Variants in OLA1 observed in about 807,000 individuals in gnomAD.
OLA1 encodes obg-like ATPase 1.
OLA1 carries 14 observed loss-of-function variants against 48.4 expected under a neutral mutation model. The observed-to-expected ratio is 0.29, with a 90% CI of 0.19 to 0.45. The LOEUF (loss-of-function observed/expected upper bound fraction) is 0.45, where lower values mean the gene tolerates loss of function less well. Among genes scored for constraint, OLA1 ranks in the 20% least tolerant of loss-of-function variants. The pLI is 1.00. For synonymous variants in OLA1, 127 were observed against 150.4 expected, an observed-to-expected ratio of 0.84 and a Z score of 1.14; for missense variants, 325 against 467.1, an observed-to-expected ratio of 0.70 and a Z score of 2.80.
At chr2:174,136,868 G>T (rs1383507507) in intron 5 of OLA1, among the ~76,000 whole-genome samples, 1 of 151,806 alleles carries the variant, frequency 6.6e-6, no homozygotes, top group Non-Finnish European at 1.5e-5. Context: ...GTAGAGACAG[G>T]GTTTCACCAT....
intron 5 of OLA1, among the ~76,000 whole-genome samples, chr2:174,130,422 A>G (rs1686154911): frequency 6.6e-6 from 1 of 152,238 alleles, no homozygotes; most frequent in Admixed American, 6.5e-5. Flanking sequence ...TTGGTAGAAT[A>G]CATGCTGCCA....
At chr2:174,114,924 G>GT (rs1685745578) in intron 7 of OLA1, among the ~76,000 whole-genome samples, 1 of 152,094 alleles carries the variant, frequency 6.6e-6, no homozygotes, top group African/African-American at 2.4e-5. Flanking sequence ...GAGCCAAGGA[G>GT]TTCTAGACCA....
At chr2:174,169,760 G>A (rs1000182080) in intron 4 of OLA1, among the ~76,000 whole-genome samples, 8 of 152,196 alleles carry the variant, frequency 5.3e-5, no homozygotes, top group Non-Finnish European at 1.2e-4. Context: ...ATCTTAGTAA[G>A]TGCAAAAGGC....
At position 174,168,922 on chromosome 2, in the gene OLA1, G is replaced by A. The variant is rs1687234091; in HGVS notation, c.374-26922C>T. The stretch of plus-strand genomic sequence containing the variant: ...GAATAAAAACGAACAGAGCCTCAGG[G>A]ACCTACTAGATAATATAAAATGGTT... On this transcript the variant is annotated intron_variant, in intron 4 of 10. Coordinates refer to ENST00000284719, the MANE Select transcript of OLA1 (RefSeq NM_013341.5). Among the ~76,000 whole-genome samples the A allele has an allele frequency of 2.0e-5, 3 of 150,896 alleles. No homozygotes were observed. The South Asian group carries it at 6.3e-4, about 32-fold the overall frequency.
chr2:174,233,130 TATATTC>T (rs764758951), intron 2 of OLA1, among the ~76,000 whole-genome samples: 1 of 152,222 alleles, frequency 6.6e-6, no homozygotes, highest in Non-Finnish European at 1.5e-5. Context: ...TGATTCCACT[TATATTC>T]ATATACTCAA....
intron 3 of OLA1, among the ~76,000 whole-genome samples, chr2:174,224,411 A>G (rs1348832582): frequency 1.3e-5 from 2 of 152,196 alleles, no homozygotes; most frequent in Non-Finnish European, 2.9e-5. Context: ...TTCACTAAGC[A>G]GTTTAATCGC....
chr2:174,145,859 A>G (rs779304149), intron 4 of OLA1, among the ~76,000 whole-genome samples: 26 of 152,224 alleles, frequency 1.7e-4, no homozygotes, highest in African/African-American at 2.4e-5. Context: ...ATGATAGGAT[A>G]TGATACAGTT....
chr2:174,098,478 A>G (rs1685311317), intron 7 of OLA1, among the ~76,000 whole-genome samples: 1 of 152,224 alleles, frequency 6.6e-6, no homozygotes, highest in Non-Finnish European at 1.5e-5. Flanking sequence ...ATAGTTTTAC[A>G]AAAAGAATTT....
At chr2:174,209,745 A>T (rs940149554) in intron 4 of OLA1, among the ~76,000 whole-genome samples, 8 of 152,218 alleles carry the variant, frequency 5.3e-5, no homozygotes, top group Non-Finnish European at 7.3e-5. Context: ...GTAAAGGTGA[A>T]GATCTTAGAA....
intron 5 of OLA1, among the ~76,000 whole-genome samples, chr2:174,127,640 A>G (rs1312683571): frequency 1.3e-5 from 2 of 152,184 alleles, no homozygotes; most frequent in Non-Finnish European, 2.9e-5. Context: ...GATGGCACAT[A>G]ACTTTCAAAT....
chr2:174,174,323 AT>A (rs1241476021), intron 4 of OLA1, among the ~76,000 whole-genome samples: 3 of 152,050 alleles, frequency 2.0e-5, no homozygotes, highest in African/African-American at 7.2e-5. Context: ...ACACAGGTTT[AT>A]TTATAATGAT....
At chr2:174,106,649 C>T (rs575790351) in intron 7 of OLA1, among the ~76,000 whole-genome samples, 2 of 152,050 alleles carry the variant, frequency 1.3e-5, no homozygotes, top group Non-Finnish European at 2.9e-5. Context: ...GTGATTGGAG[C>T]CTAGTAGATT....
intron 5 of OLA1, among the ~76,000 whole-genome samples, chr2:174,130,881 C>A (rs1415764652): frequency 6.6e-6 from 1 of 151,996 alleles, no homozygotes; most frequent in Non-Finnish European, 1.5e-5. Context: ...GAAGCTTTAA[C>A]AAAGACAGCC....
chr2:174,155,125 A>G (rs547026854), intron 4 of OLA1, among the ~76,000 whole-genome samples: 11 of 152,268 alleles, frequency 7.2e-5, no homozygotes, highest in African/African-American at 2.6e-4. Context: ...TAGCATGTAC[A>G]TCTAGTGTTA....
intron 10 of OLA1, among the ~76,000 whole-genome samples, chr2:174,078,141 TAAA>T (rs914345094): frequency 6.6e-6 from 1 of 151,968 alleles, no homozygotes; most frequent in Non-Finnish European, 1.5e-5. Context: ...CCAGTGAAAA[TAAA>T]GTAAACCTGA....
At chr2:174,199,991 A>G (rs1314365742) in intron 4 of OLA1, among the ~76,000 whole-genome samples, 1 of 152,170 alleles carries the variant, frequency 6.6e-6, no homozygotes, top group Non-Finnish European at 1.5e-5. Flanking sequence ...TGGACATTAA[A>G]GAAATTTATT....
At chr2:174,127,567 T>G (rs534730062) in intron 5 of OLA1, among the ~76,000 whole-genome samples, 40 of 152,162 alleles carry the variant, frequency 2.6e-4, no homozygotes, top group Non-Finnish European at 4.3e-4. Flanking sequence ...ATAAATAGAT[T>G]GCAGGGGTTC....
chr2:174,144,806 C>T (rs544104536), intron 4 of OLA1, among the ~76,000 whole-genome samples: 4 of 150,288 alleles, frequency 2.7e-5, no homozygotes, highest in Non-Finnish European at 5.9e-5. Flanking sequence ...AAATTAGCCA[C>T]GCATGGTGGT....
intron 3 of OLA1, among the ~76,000 whole-genome samples, chr2:174,227,754 A>G (rs527720735): frequency 4.5e-4 from 68 of 152,328 alleles, no homozygotes; most frequent in Non-Finnish European, 7.5e-4. Flanking sequence ...AAGATGAGAA[A>G]GCTTTTCCTT....
Sources: allele counts gnomAD v4.1 joint callset (sites outside exome capture counted in the v4.1 genomes callset), GRCh38; gene constraint gnomAD v4.1.1; transcripts MANE v1.5; gene names NCBI Gene and HGNC (gene_info 2026-07-23, HGNC 2026-07-21).